Variants in FAM114A1 observed in about 807,000 individuals in gnomAD.
FAM114A1 encodes family with sequence similarity 114 member A1, also known as protein NOXP20.
In FAM114A1, 62 loss-of-function variants were observed where a neutral mutation model predicts 64.3. The observed-to-expected ratio is 0.96, with a 90% CI of 0.79 to 1.19. The LOEUF (loss-of-function observed/expected upper bound fraction) is 1.19, where lower values mean the gene tolerates loss of function less well. Among genes scored for constraint, FAM114A1 ranks in the 50% most tolerant of loss-of-function variants. The pLI is 0.00. For missense variants in FAM114A1, 645 were observed against 676.3 expected (o/e 0.95, Z 0.51); for synonymous variants, 254 against 251.1 (o/e 1.01, Z -0.11).
At chr4:38,930,330 T>C (rs1720527079) in intron 10 of FAM114A1, among the ~76,000 whole-genome samples, 3 of 152,202 alleles carry the variant, frequency 2.0e-5, no homozygotes, top group African/African-American at 7.2e-5. Flanking sequence ...TTTACATAGG[T>C]ACTCACTTAT....
chr4:38,930,651 G>T (rs1720554364), intron 10 of FAM114A1, among the ~76,000 whole-genome samples: 1 of 152,178 alleles, frequency 6.6e-6, no homozygotes, highest in Non-Finnish European at 1.5e-5. Context: ...TTTAACTTTG[G>T]CGTGTAAGAT....
chr4:38,926,929 CCTTAGAGCA>C (rs150712944), intron 9 of FAM114A1, among the ~76,000 whole-genome samples: 29,086 of 152,152 alleles, frequency 0.19, 3,038 homozygotes, highest in Middle Eastern at 0.3. Context: ...GCAAAAGCCC[CCTTAGAGCA>C]CTTACCTCTT....
Position 38,878,379 on chromosome 4 carries a change from G to A in FAM114A1, c.301G>A (p.Glu101Lys), listed in dbSNP as rs1360575952. The A allele has an allele frequency of 1.2e-6, 2 of 1,611,196 alleles. No individual in the cohort carries two copies. Among genetic ancestry groups the A allele is most frequent in the South Asian group, 1.1e-5 (1 of 90,754 alleles). ...TGAATGTATTGATTCCGTCAGCCTT[G>A]AGGCAGAACCCAGATCCGAAATACC... Reference protein sequence around the residue: ...LAECIDSVSLEAEPRSEIPLQ... With the variant: ...LAECIDSVSLKAEPRSEIPLQ... Residue 101 changes from glutamate (E) to lysine (K), a missense_variant, in exon 3 of 15, where the codon GAG becomes AAG. Glu to Lys is a moderately conservative substitution (Grantham distance 56). Transcript: ENST00000358869.
intron 2 of FAM114A1, among the ~76,000 whole-genome samples, chr4:38,877,755 G>A (rs975719388): frequency 1.3e-5 from 2 of 152,022 alleles, no homozygotes; most frequent in Non-Finnish European, 2.9e-5. Context: ...ACCTGAGGTC[G>A]GGAGTTCGAG....
intron 2 of FAM114A1, among the ~76,000 whole-genome samples, chr4:38,871,086 C>CTTTTTTTTTTTTTT (rs9306968): frequency 3.2e-4 from 30 of 93,996 alleles, no homozygotes; most frequent in Non-Finnish European, 4.0e-4. Context: ...TTTTTTCTTT[C>CTTTTTTTTTTTTTT]TTTTTTTTTT....
At chr4:38,911,756 G>A (rs916854733) in intron 7 of FAM114A1, among the ~76,000 whole-genome samples, 4 of 151,114 alleles carry the variant, frequency 2.6e-5, no homozygotes, top group African/African-American at 9.8e-5. Context: ...AAGCGTGCAC[G>A]CGTGCACTAC....
intron 13 of FAM114A1, among the ~76,000 whole-genome samples, chr4:38,939,886 C>CT (rs545845095): frequency 0.34 from 44,347 of 131,530 alleles, 9,373 homozygotes; most frequent in African/African-American, 0.61. Context: ...CACTTTCTTT[C>CT]TTTTTTTTTT....
In FAM114A1 at chr4:38,941,122, A is replaced by T. The variant is rs183404727; in HGVS notation, c.1590+101A>T. On this transcript the variant is annotated intron_variant, in intron 14 of 14. Coordinates refer to ENST00000358869, the MANE Select transcript of FAM114A1 (RefSeq NM_138389.4). Reference sequence around the variant, plus strand: ...CTTCCCCCACAGCAAATGTTATTGCAATTCTGAATCTCATCATCAGGTCTT... The same window carrying T: ...CTTCCCCCACAGCAAATGTTATTGCTATTCTGAATCTCATCATCAGGTCTT... 619 of 1,049,284 alleles carry T rather than the reference A, an allele frequency of 5.9e-4. 5 individuals carry two copies. The Middle Eastern group carries it at 7.9e-3, about 13-fold the overall frequency. 65.0% of individuals were successfully genotyped at this position (1,049,284 alleles called of 1,614,324 possible).
intron 13 of FAM114A1, chr4:38,938,704 T>A (rs1721311158): frequency 6.6e-6 from 1 of 152,192 alleles, no homozygotes; most frequent in Non-Finnish European, 1.5e-5. Flanking sequence ...GTTACCCTTT[T>A]CACAGTTTAC....
intron 13 of FAM114A1, among the ~76,000 whole-genome samples, chr4:38,939,295 C>T (rs1721389577): frequency 6.6e-6 from 1 of 152,158 alleles, no homozygotes; most frequent in South Asian, 2.1e-4. Flanking sequence ...GGCCATCTCA[C>T]CACAACAATA....
chr4:38,942,160 C>T (rs1230718774), intron 14 of FAM114A1, among the ~76,000 whole-genome samples: 1 of 152,168 alleles, frequency 6.6e-6, no homozygotes, highest in East Asian at 1.9e-4. Context: ...TCAGGTCCCT[C>T]CCACAACATG....
intron 7 of FAM114A1, among the ~76,000 whole-genome samples, chr4:38,911,923 G>A (rs548233216): frequency 1.1e-4 from 16 of 140,892 alleles, no homozygotes; most frequent in South Asian, 6.7e-4. Flanking sequence ...GTGCAGTGGC[G>A]CGATCTTGAC....
intron 13 of FAM114A1, among the ~76,000 whole-genome samples, chr4:38,939,699 T>C (rs1414323696): frequency 6.6e-6 from 1 of 152,128 alleles, no homozygotes; most frequent in Non-Finnish European, 1.5e-5. Flanking sequence ...TATTTTTGTT[T>C]ACTCTGAACT....
intron 8 of FAM114A1, among the ~76,000 whole-genome samples, chr4:38,922,120 G>A (rs1719655282): frequency 6.6e-6 from 1 of 152,024 alleles, no homozygotes; most frequent in Admixed American, 6.6e-5. Context: ...TTTTGTATTT[G>A]TAATAGAGAC....
Position 38,931,320 on chromosome 4 carries a change from C to T in FAM114A1, c.1162-131C>T, listed in dbSNP as rs914497285. On this transcript the variant is annotated intron_variant, in intron 10 of 14. Transcript: ENST00000358869. The stretch of plus-strand genomic sequence containing the variant: ...CTTTTTCGGGGGTTGAAAAATTGCC[C>T]CGTCATCCTCCAAACATACAGAGAT... The T allele has an allele frequency of 5.3e-5, 58 of 1,084,920 alleles. 1 individual carries two copies. Among genetic ancestry groups the T allele is most frequent in the Non-Finnish European group, 2.2e-5 (17 of 790,188 alleles). The allele number at this position is 1,084,920 out of a possible 1,614,324, so 67.2% of individuals were successfully genotyped here. A position where few individuals can be genotyped will look rare whatever the true frequency, so the allele number is the denominator to read the frequency against.
chr4:38,929,549 G>A (rs185999411), intron 10 of FAM114A1, among the ~76,000 whole-genome samples: 194 of 152,354 alleles, frequency 1.3e-3, no homozygotes, highest in African/African-American at 4.0e-3. Flanking sequence ...AGGCCAAGGC[G>A]GGTGGATCAC....
chr4:38,921,979 G>A (rs1719639729), intron 8 of FAM114A1, among the ~76,000 whole-genome samples: 1 of 152,254 alleles, frequency 6.6e-6, no homozygotes, highest in Middle Eastern at 3.4e-3. Flanking sequence ...GTCTCGCTCT[G>A]TCACCAGGTT....
intron 12 of FAM114A1, among the ~76,000 whole-genome samples, chr4:38,934,320 C>T (rs1720902557): frequency 6.6e-6 from 1 of 152,176 alleles, no homozygotes; most frequent in Non-Finnish European, 1.5e-5. Flanking sequence ...TCCCCACCCA[C>T]CTGCCCAAGA....
chr4:38,886,132 G>T (rs1245911218), intron 3 of FAM114A1, among the ~76,000 whole-genome samples: 1 of 151,932 alleles, frequency 6.6e-6, no homozygotes, highest in Admixed American at 6.5e-5. Context: ...TTGCTGTGGA[G>T]GGAGGATGGA....
Sources: gnomAD v4.1 joint callset for allele counts (sites outside exome capture counted in the v4.1 genomes callset) on GRCh38, gnomAD v4.1.1 for gene constraint, MANE v1.5 for transcripts, NCBI Gene and HGNC (gene_info 2026-07-23, HGNC 2026-07-21) for gene names.